PARL: variants seen among roughly 807,000 people sequenced by gnomAD.
PARL encodes presenilin-associated rhomboid-like protein, mitochondrial.
A neutral mutation model predicts 51.6 loss-of-function variants in PARL; 44 were observed. The ratio of observed to expected loss-of-function variants is 0.85; its 90% CI spans 0.67 to 1.10. The LOEUF is 1.10. Among genes scored for constraint, PARL ranks in the 50% least tolerant of loss-of-function variants. The pLI, the probability that PARL is intolerant of heterozygous loss-of-function variation, is 0.00. For missense variants in PARL, 441 were observed against 469.5 expected, an observed-to-expected ratio of 0.94 and a Z score of 0.56; for synonymous variants, 172 against 164.0, an observed-to-expected ratio of 1.05 and a Z score of -0.37.
At chr3:183,859,467 A>G (rs1731553359) in intron 4 of PARL, among the ~76,000 whole-genome samples, 1 of 152,004 alleles carries the variant, frequency 6.6e-6, no homozygotes, top group African/African-American at 2.4e-5. Context: ...CCTCCCAAGT[A>G]GCTGGGATTA....
At chr3:183,845,830 G>C (rs961636466) in intron 4 of PARL, among the ~76,000 whole-genome samples, 15 of 152,168 alleles carry the variant, frequency 9.9e-5, no homozygotes, top group African/African-American at 3.4e-4. Context: ...TTACTACCCA[G>C]AGTGCACCCT....
intron 1 of PARL, chr3:183,879,766 G>C: frequency 1.2e-6 from 1 of 843,006 alleles, no homozygotes; most frequent in Non-Finnish European, 1.4e-6. Flanking sequence ...ACCCAGGCTG[G>C]AGTGCAGTGG....
chr3:183,840,693 C>CA, intron 6 of PARL, 53 bp from the exon 7 acceptor site: 3 of 736,738 alleles, frequency 4.1e-6, no homozygotes, highest in Non-Finnish European at 6.6e-6. Context: ...AAATGGTTTA[C>CA]TTTTTTTTTT....
chr3:183,881,121 A>ATT (rs10589229), intron 1 of PARL, among the ~76,000 whole-genome samples: 1 of 139,626 alleles, frequency 7.2e-6, no homozygotes. Flanking sequence ...GCCTTTGTGC[A>ATT]TTTTTTTTTT....
At chr3:183,834,928 G>A (rs1298929594) in intron 7 of PARL, among the ~76,000 whole-genome samples, 3 of 150,564 alleles carry the variant, frequency 2.0e-5, no homozygotes, top group Non-Finnish European at 3.0e-5. Flanking sequence ...GCGTGGTGGC[G>A]GATGCTTATA....
At chr3:183,837,283 C>G (rs1264916494) in intron 7 of PARL, among the ~76,000 whole-genome samples, 1 of 150,158 alleles carries the variant, frequency 6.7e-6, no homozygotes. Flanking sequence ...GTTCCCTGGG[C>G]TTTCTTTTGG....
chr3:183,882,801 AC>A (rs1183058182), intron 1 of PARL, among the ~76,000 whole-genome samples: 1 of 152,180 alleles, frequency 6.6e-6, no homozygotes, highest in Admixed American at 6.5e-5. Context: ...TAGTATCACC[AC>A]CTAGAGTGCT....
rs1051587974 is a variant in PARL at position 183,829,372 on chromosome 3, G to C, written c.*226C>G. 2.8e-6 allele frequency: 4 copies of C among 1,435,926 alleles called. No homozygotes were observed. The highest frequency in any genetic ancestry group is 2.6e-5 in the Admixed American group (1 of 38,858). 88.9% of individuals were successfully genotyped at this position (1,435,926 alleles called of 1,614,324 possible). Reference sequence around the variant, plus strand: ...CAGAGCCGTGTCGGCCCCTTAAAGAGAGAACACACACATCTGCTTACAAAC... The same window carrying C: ...CAGAGCCGTGTCGGCCCCTTAAAGACAGAACACACACATCTGCTTACAAAC... On this transcript the variant is annotated 3_prime_UTR_variant, in exon 10 of 10. Coordinates refer to ENST00000317096, the MANE Select transcript of PARL (RefSeq NM_018622.7).
chr3:183,834,683 A>G (rs1728342975), intron 7 of PARL, among the ~76,000 whole-genome samples: 1 of 152,106 alleles, frequency 6.6e-6, no homozygotes, highest in Admixed American at 6.6e-5. Context: ...AAAGCTTACC[A>G]AACTTTAAAT....
chr3:183,852,901 AAAC>A (rs1378002623), intron 4 of PARL, among the ~76,000 whole-genome samples: 2 of 152,212 alleles, frequency 1.3e-5, no homozygotes, highest in Non-Finnish European at 2.9e-5. Context: ...TTCAAAAAGA[AAAC>A]AAAGGGAAAA....
At chr3:183,873,746 T>G (rs1733482101) in intron 1 of PARL, among the ~76,000 whole-genome samples, 1 of 152,116 alleles carries the variant, frequency 6.6e-6, no homozygotes. Context: ...CACTTAAAAT[T>G]TTGAAGCACA....
chr3:183,876,380 C>A (rs775203346), intron 1 of PARL, among the ~76,000 whole-genome samples: 1 of 151,820 alleles, frequency 6.6e-6, no homozygotes, highest in African/African-American at 2.4e-5. Context: ...AATGTTGCGA[C>A]CAAATGCTGA....
chr3:183,851,394 A>T (rs1012590364), intron 4 of PARL, among the ~76,000 whole-genome samples: 1 of 152,232 alleles, frequency 6.6e-6, no homozygotes, highest in Non-Finnish European at 1.5e-5. Context: ...AATATTTGTG[A>T]ATCATATCTC....
intron 4 of PARL, among the ~76,000 whole-genome samples, chr3:183,847,977 T>C (rs1730148693): frequency 6.6e-6 from 1 of 152,214 alleles, no homozygotes; most frequent in Admixed American, 6.5e-5. Flanking sequence ...AGCTTGGCAC[T>C]ACTGATTCAG....
chr3:183,866,507 TTTCA>T (rs913064396), intron 3 of PARL, 114 bp downstream of exon 3: 16 of 831,882 alleles, frequency 1.9e-5, no homozygotes, highest in Non-Finnish European at 3.3e-5. Context: ...GTTCCTCAGA[TTTCA>T]TTATTACACA....
At chr3:183,873,640 A>G (rs1467638509) in intron 1 of PARL, among the ~76,000 whole-genome samples, 1 of 152,198 alleles carries the variant, frequency 6.6e-6, no homozygotes, top group East Asian at 1.9e-4. Context: ...GGACTGAGAA[A>G]TACAAAGGAT....
intron 7 of PARL, among the ~76,000 whole-genome samples, chr3:183,835,374 A>T (rs1577281207): frequency 6.6e-6 from 1 of 152,204 alleles, no homozygotes; most frequent in Non-Finnish European, 1.5e-5. Context: ...AAAACTTTAA[A>T]GAAAATTATT....
intron 1 of PARL, among the ~76,000 whole-genome samples, chr3:183,882,292 C>G: frequency 9.9e-6 from 1 of 100,968 alleles, no homozygotes; most frequent in South Asian, 3.1e-4. Flanking sequence ...TACACACACA[C>G]ATATATATAC....
chr3:183,876,914 T>C (rs879554676), intron 1 of PARL, among the ~76,000 whole-genome samples: 15 of 152,108 alleles, frequency 9.9e-5, no homozygotes, highest in Admixed American at 7.2e-4. Context: ...GCGGTAGAAA[T>C]AGAAAGAGAA....
Sources: gnomAD v4.1 joint callset for allele counts (sites outside exome capture counted in the v4.1 genomes callset) on GRCh38, gnomAD v4.1.1 for gene constraint, MANE v1.5 for transcripts, NCBI Gene and HGNC (gene_info 2026-07-23, HGNC 2026-07-21) for gene names.